Variants in RALY observed in about 807,000 individuals in gnomAD.
The protein encoded by RALY is RNA-binding protein Raly.
Under a neutral mutation model 30.7 loss-of-function variants are expected in RALY, and 15 were observed. That is an observed-to-expected ratio of 0.49 (90% CI 0.33 to 0.75). RALY has a LOEUF of 0.75. RALY is among the 30% of genes least tolerant of loss of function. The pLI is 0.02. For synonymous variants in RALY, 177 were observed against 170.8 expected (o/e 1.04, Z -0.28); for missense variants, 339 against 414.3 (o/e 0.82, Z 1.58).
intron 1 of RALY, among the ~76,000 whole-genome samples, chr20:34,016,773 T>C (rs2031622728): frequency 6.6e-6 from 1 of 152,266 alleles, no homozygotes; most frequent in African/African-American, 2.4e-5. Flanking sequence ...TTCTACCTCA[T>C]AGTGTCCGTT....
chr20:34,022,777 GTC>G (rs2031878291), intron 1 of RALY, among the ~76,000 whole-genome samples: 1 of 152,134 alleles, frequency 6.6e-6, no homozygotes, highest in Admixed American at 6.5e-5. Context: ...TTCATTTCAT[GTC>G]TCTGGCCCTT....
chr20:34,077,375 C>G, intron 8 of RALY, 130 bp downstream of exon 8: 1 of 1,533,768 alleles, frequency 6.5e-7, no homozygotes, highest in East Asian at 2.4e-5. Flanking sequence ...CCCAGGGGTT[C>G]TGGTCCTGGG....
intron 2 of RALY, among the ~76,000 whole-genome samples, chr20:34,038,448 G>C (rs1389971440): frequency 6.6e-6 from 1 of 152,128 alleles, no homozygotes; most frequent in Non-Finnish European, 1.5e-5. Context: ...AGATTGGGGG[G>C]TGCTCAAAAG....
At chr20:34,025,899 GTTTTTTTTTT>G (rs35827160) in intron 1 of RALY, among the ~76,000 whole-genome samples, 3 of 75,918 alleles carry the variant, frequency 4.0e-5, no homozygotes, top group Non-Finnish European at 7.1e-5. Flanking sequence ...ATTCCTGGTT[GTTTTTTTTTT>G]TTTTTTTTTT....
chr20:34,020,234 G>A (rs1040504900), intron 1 of RALY, among the ~76,000 whole-genome samples: 2 of 152,244 alleles, frequency 1.3e-5, no homozygotes, highest in Non-Finnish European at 2.9e-5. Flanking sequence ...CTGGGAAGGA[G>A]GCTAGTCAGG....
intron 1 of RALY, among the ~76,000 whole-genome samples, chr20:34,006,720 T>G (rs770655697): frequency 6.6e-6 from 1 of 152,218 alleles, no homozygotes; most frequent in Non-Finnish European, 1.5e-5. Context: ...CACAGTAACA[T>G]GCTGTATAGG....
Position 34,083,144 on chromosome 20 carries a change from C to T in RALY, c.*3239C>T, listed in dbSNP as rs146695553. On this transcript the variant is annotated 3_prime_UTR_variant, in exon 10 of 10. Transcript: ENST00000246194. ...TACTGACTGTTGTATAACAAACCAC[C>T]CCCAAATTTAGTAGCCTTAATAAAC... The T allele has an allele frequency of 2.6e-5, 4 of 152,298 alleles. No individual in the cohort carries two copies. The highest frequency in any genetic ancestry group is 5.9e-5 in the Non-Finnish European group (4 of 68,044). The allele number at this position is 152,298 out of a possible 1,614,324, so 9.4% of individuals were successfully genotyped here. A position where few individuals can be genotyped will look rare whatever the true frequency, so the allele number is the denominator to read the frequency against.
At chr20:34,031,751 G>T (rs1393011724) in intron 2 of RALY, 147 bp downstream of exon 2, 1 of 152,268 alleles carries the variant, frequency 6.6e-6, no homozygotes, top group Non-Finnish European at 1.5e-5. Context: ...TGTTGCACAG[G>T]TAACCTTCTG....
chr20:34,050,551 A>G (rs1035859542), intron 2 of RALY, among the ~76,000 whole-genome samples: 1 of 152,252 alleles, frequency 6.6e-6, no homozygotes, highest in African/African-American at 2.4e-5. Context: ...GGGTTGAAGG[A>G]TGAATTGAGA....
chr20:34,009,109 G>C (rs2031287684), intron 1 of RALY, among the ~76,000 whole-genome samples: 1 of 152,208 alleles, frequency 6.6e-6, no homozygotes, highest in African/African-American at 2.4e-5. Flanking sequence ...TGAGAAAGTA[G>C]CAGAGGCTAG....
intron 2 of RALY, among the ~76,000 whole-genome samples, chr20:34,032,148 A>C (rs997798379): frequency 6.6e-6 from 1 of 152,280 alleles, no homozygotes; most frequent in South Asian, 2.1e-4. Context: ...TTTTTAGTAG[A>C]GACGGGGTTT....
At chr20:33,995,709 G>T (rs574936640) in intron 1 of RALY, among the ~76,000 whole-genome samples, 1 of 152,150 alleles carries the variant, frequency 6.6e-6, no homozygotes, top group African/African-American at 2.4e-5. Context: ...TTACCATCTG[G>T]TCCAACTTTT....
chr20:34,072,309 G>T lies in RALY; in HGVS notation c.235G>T (p.Val79Leu). 9 of 1,613,232 alleles carry T rather than the reference G, an allele frequency of 5.6e-6. No homozygotes were observed. The highest frequency in any genetic ancestry group is 2.2e-5 in the East Asian group (1 of 44,880). ...AGCTGTGCTGGGAGAGAATGGGCGG[G>T]TGCTGGCCGGGCAGACCCTGGGTAA... ...RAAVLGENGR[V>L]LAGQTLDINM... Residue 79 changes from valine (V) to leucine (L), a missense_variant, in exon 3 of 10, where the codon GTG (valine) becomes TTG (leucine). This residue lies in a region of RALY where 71 missense variants were observed against 133.7 expected (regional missense o/e 0.53). Coordinates refer to ENST00000246194, the MANE Select transcript of RALY (RefSeq NM_016732.3).
At chr20:34,012,367 A>G (rs2031436900) in intron 1 of RALY, among the ~76,000 whole-genome samples, 1 of 152,058 alleles carries the variant, frequency 6.6e-6, no homozygotes, top group Non-Finnish European at 1.5e-5. Flanking sequence ...TTTTGCCTAG[A>G]AAGATGTAGA....
At chr20:33,998,997 G>T (rs1311690794) in intron 1 of RALY, among the ~76,000 whole-genome samples, 3 of 151,906 alleles carry the variant, frequency 2.0e-5, no homozygotes, top group Non-Finnish European at 4.4e-5. Context: ...GGGTGTGGTG[G>T]CAGGCACCTG....
rs1475582543 is a variant in RALY at position 34,081,282 on chromosome 20, A to C, written c.*1377A>C. 1.3e-5 allele frequency: 2 copies of C among 152,194 alleles called. No individual in the cohort carries two copies. The highest frequency in any genetic ancestry group is 2.9e-5 in the Non-Finnish European group (2 of 68,082). The allele number at this position is 152,194 out of a possible 1,614,324, so 9.4% of individuals were successfully genotyped here. A position where few individuals can be genotyped will look rare whatever the true frequency, so the allele number is the denominator to read the frequency against. On this transcript the variant is annotated 3_prime_UTR_variant, in exon 10 of 10. Coordinates refer to ENST00000246194, the MANE Select transcript of RALY (RefSeq NM_016732.3). ...GGAGCTGTGGGAGGGCAGCACCCAG[A>C]AATAGGCTTTGTTCCAGGCCTGGCA...
chr20:34,073,673 ACTCT>A (rs754505129), intron 4 of RALY, 38 bp downstream of exon 4: 2 of 1,549,260 alleles, frequency 1.3e-6, no homozygotes, highest in East Asian at 4.5e-5. Context: ...TGGTGGGATG[ACTCT>A]CTCTTTCCAC....
intron 1 of RALY, among the ~76,000 whole-genome samples, chr20:34,000,943 A>G (rs2300203): frequency 0.087 from 13,209 of 152,258 alleles, 645 homozygotes; most frequent in African/African-American, 0.13. Flanking sequence ...TGATATTTCT[A>G]CCTTTTTACA....
At chr20:34,014,533 G>A (rs1035652771) in intron 1 of RALY, among the ~76,000 whole-genome samples, 1 of 152,136 alleles carries the variant, frequency 6.6e-6, no homozygotes, top group Non-Finnish European at 1.5e-5. Flanking sequence ...GTGAAATAAT[G>A]CATTTAAATT....
Sources: allele counts gnomAD v4.1 joint callset (sites outside exome capture counted in the v4.1 genomes callset), GRCh38; gene constraint gnomAD v4.1.1; regional missense constraint gnomAD v4.1.1; transcripts MANE v1.5; gene names NCBI Gene and HGNC (gene_info 2026-07-23, HGNC 2026-07-21).